The following ITIH6 variants were observed in gnomAD, a reference collection of about 807,000 sequenced individuals.
ITIH6 encodes the protein inter-alpha-trypsin inhibitor heavy chain H6.
A neutral mutation model predicts 58.2 loss-of-function variants in ITIH6; 60 were observed. The ratio of observed to expected loss-of-function variants is 1.03; its 90% CI spans 0.84 to 1.28. The LOEUF is 1.28. ITIH6 is among the 50% of genes most tolerant of loss of function. The probability of loss-of-function intolerance (pLI) is 0.00; values close to 1 mark genes in which losing one functional copy is unlikely to be tolerated. For synonymous variants in ITIH6, 493 were observed against 417.4 expected, an observed-to-expected ratio of 1.18 and a Z score of -2.21; for missense variants, 1,290 against 1,021.1, an observed-to-expected ratio of 1.26 and a Z score of -3.59.
chrX:54,755,694 T>C (rs1471694253), intron 8 of ITIH6, among the ~76,000 whole-genome samples: 1 of 108,911 alleles, frequency 9.2e-6, no homozygotes, highest in African/African-American at 3.4e-5. Flanking sequence ...TGAGTGGAGA[T>C]GGGGTAGGGT....
At chrX:54,753,579 C>A in intron 11 of ITIH6, 72 bp downstream of exon 11, 1 of 770,357 alleles carries the variant, frequency 1.3e-6, no homozygotes, top group Non-Finnish European at 2.0e-6. Context: ...TATTAACCCA[C>A]AAATGTCTAG....
chrX:54,771,223 G>A (rs945985298), intron 6 of ITIH6, among the ~76,000 whole-genome samples: 1 of 111,825 alleles, frequency 8.9e-6, no homozygotes, highest in South Asian at 3.7e-4. Flanking sequence ...GAGGTTTGGT[G>A]TGCATAATTT....
intron 9 of ITIH6, among the ~76,000 whole-genome samples, chrX:54,754,640 C>A (rs1024027911): frequency 9.0e-6 from 1 of 111,329 alleles, no homozygotes. Context: ...TAACCTCTTG[C>A]AGCTGAGAGC....
chrX:54,753,753 G>A lies in ITIH6; in HGVS notation c.3250C>T (p.Pro1084Ser), dbSNP rs200737106. The A allele has an allele frequency of 9.1e-6, 11 of 1,203,619 alleles. No homozygotes were observed. The highest frequency in any genetic ancestry group is 2.2e-5 in the Admixed American group (1 of 45,602). The change falls in exon 11 of 13, where the codon CCC (proline) becomes TCC (serine). Residue 1084 changes from proline (P) to serine (S), a missense_variant. By Grantham distance (74) the Pro-to-Ser change is moderately conservative. Coordinates refer to ENST00000218436, the MANE Select transcript of ITIH6 (RefSeq NM_198510.3). ...FTFSSSVDGD[P>S]HFVIQIPHSE... ...TGTGGGATTTGGATCACAAAGTGGG[G>A]GTCCCCGTCCACTGCAAGGCAGAAG...
intron 5 of ITIH6, among the ~76,000 whole-genome samples, chrX:54,784,244 G>A (rs1184701823): frequency 2.7e-5 from 3 of 111,777 alleles, no homozygotes; most frequent in African/African-American, 3.2e-5. Context: ...AATACTACAA[G>A]AAAACCTTGG....
intron 6 of ITIH6, among the ~76,000 whole-genome samples, chrX:54,768,893 T>C (rs1233894588): frequency 1.8e-5 from 2 of 108,649 alleles, no homozygotes; most frequent in Non-Finnish European, 3.8e-5. Flanking sequence ...CTTTGTGGTG[T>C]TCTCTGTATT....
At chrX:54,754,594 T>A (rs992999082) in intron 9 of ITIH6, among the ~76,000 whole-genome samples, 2 of 111,663 alleles carry the variant, frequency 1.8e-5, no homozygotes, top group Non-Finnish European at 3.8e-5. Flanking sequence ...TGGCAAGGAA[T>A]GCAGGAGATT....
At position 54,788,995 on chromosome X, in the gene ITIH6, C is replaced by T. The variant is rs150115673; in HGVS notation, c.617-346G>A. ...TGGAGGCGTGGCATGTCCGGAGGTA[C>T]GCCAGCAGCCCTCGCCTCCTCCCAG... On this transcript the variant is annotated intron_variant, in intron 4 of 12. Transcript: ENST00000218436. 2.7e-5 allele frequency among the ~76,000 whole-genome samples: 3 copies of T among 112,477 alleles called. No individual in the cohort carries two copies. In the East Asian group the frequency reaches 8.5e-4, roughly 32 times the overall value.
At chrX:54,775,897 T>G (rs182637997) in intron 5 of ITIH6, among the ~76,000 whole-genome samples, 1 of 111,931 alleles carries the variant, frequency 8.9e-6, no homozygotes, top group African/African-American at 3.2e-5. Flanking sequence ...GCTCCACTGA[T>G]CGTCATCCCC....
rs35679081 is a variant in ITIH6, at chrX:54,774,204, CAAAAA to C, written c.787-12_787-8del. On this transcript the variant is annotated splice_region_variant and splice_polypyrimidine_tract_variant and intron_variant, in intron 5 of 12. Transcript: ENST00000218436. The stretch of plus-strand genomic sequence containing the variant: ...TGAAATAGTCATCGTAAATCTGGAC[CAAAAA>C]AAAAAAAAAAAAAGTAGAACCAAGA... 3.4e-3 allele frequency: 2,007 copies of C among 587,410 alleles called. No individual in the cohort carries two copies. Among genetic ancestry groups the C allele is most frequent in the South Asian group, 3.7e-3 (90 of 24,549 alleles). The allele number at this position is 587,410 out of a possible 1,213,427, so 48.4% of individuals were successfully genotyped here.
Position 54,791,004 on chromosome X carries a change from T to C in ITIH6, c.449A>G (p.Glu150Gly), listed in dbSNP as rs989682587. ...CTGGCCCTGGTGCCGCTGAAGCAGT[T>C]CCTCATAGGCCAGGGAAAAAGTCAC... ...TEVTFSLAYE[E>G]LLQRHQGQYQ... The change falls in exon 4 of 13, where the codon GAA becomes GGA. Residue 150 changes from glutamate to glycine, a missense_variant. Coordinates refer to ENST00000218436, the MANE Select transcript of ITIH6 (RefSeq NM_198510.3). 1 of 1,212,091 alleles carries C rather than the reference T, an allele frequency of 8.3e-7. No homozygotes were observed. Among genetic ancestry groups the C allele is most frequent in the Non-Finnish European group, 1.1e-6 (1 of 895,468 alleles).
intron 2 of ITIH6, among the ~76,000 whole-genome samples, chrX:54,794,534 C>T (rs1929406544): frequency 9.1e-6 from 1 of 110,443 alleles, no homozygotes; most frequent in Non-Finnish European, 1.9e-5. Context: ...TATGGAAATC[C>T]TGCTTTCAGG....
intron 12 of ITIH6, 65 bp from the exon 13 acceptor site, chrX:54,750,171 G>A (rs1928325371): frequency 6.8e-6 from 6 of 886,676 alleles, no homozygotes; most frequent in Non-Finnish European, 9.5e-6. Context: ...AGATCTGCAA[G>A]GAGGCCCAGC....
In ITIH6 at chrX:54,757,857, C is replaced by A. The variant is rs778477093; in HGVS notation, c.2217G>T (p.Leu739=). The A allele has an allele frequency of 3.3e-6, 4 of 1,211,333 alleles. No individual in the cohort carries two copies. In the South Asian group the frequency reaches 7.0e-5, roughly 21 times the overall value. Residue 739 remains leucine, a synonymous_variant, in exon 8 of 13, where the codon CTG becomes CTT. Coordinates refer to ENST00000218436, the MANE Select transcript of ITIH6 (RefSeq NM_198510.3). The part of the protein sequence containing the change: ...VPSNSGTLLP[L]KPGSLSHQNP... ...TCTGGTGTGATAGAGAGCCGGGCTT[C>A]AGAGGCAACAGAGTACCAGAATTTG...
intron 3 of ITIH6, among the ~76,000 whole-genome samples, chrX:54,791,471 A>G (rs908253953): frequency 7.3e-5 from 8 of 110,330 alleles, no homozygotes; most frequent in African/African-American, 9.9e-5. Context: ...CCTCTCCCCT[A>G]TGCTTTTGAA....
chrX:54,776,503 A>G (rs1377693216), intron 5 of ITIH6, among the ~76,000 whole-genome samples: 1 of 109,504 alleles, frequency 9.1e-6, no homozygotes, highest in Non-Finnish European at 1.9e-5. Flanking sequence ...CTCTAACCCC[A>G]GGCTCCACAG....
At chrX:54,760,534 C>T (rs1928613408) in intron 6 of ITIH6, among the ~76,000 whole-genome samples, 1 of 111,411 alleles carries the variant, frequency 9.0e-6, no homozygotes, top group African/African-American at 3.3e-5. Context: ...TGGTGTGCTG[C>T]ACCCATTAAC....
At chrX:54,753,574 A>G (rs1928417632) in intron 11 of ITIH6, 77 bp downstream of exon 11, 2 of 708,569 alleles carry the variant, frequency 2.8e-6, no homozygotes, top group South Asian at 4.5e-5. Flanking sequence ...TGGGGTATTA[A>G]CCCACAAATG....
At chrX:54,762,240 G>C (rs937414744) in intron 6 of ITIH6, among the ~76,000 whole-genome samples, 2 of 110,625 alleles carry the variant, frequency 1.8e-5, no homozygotes, top group African/African-American at 6.7e-5. Context: ...CTCTCTGTTT[G>C]TCTGTTATTG....
Sources: gnomAD v4.1 joint callset for allele counts (sites outside exome capture counted in the v4.1 genomes callset) on GRCh38, gnomAD v4.1.1 for gene constraint, MANE v1.5 for transcripts, NCBI Gene and HGNC (gene_info 2026-07-23, HGNC 2026-07-21) for gene names.